The following XPO1 variants were observed in gnomAD, a reference collection of about 807,000 sequenced individuals.
The protein encoded by XPO1 is exportin 1, also known as exportin-1.
In XPO1, 5 loss-of-function variants were observed where a neutral mutation model predicts 133.3. The observed-to-expected ratio is 0.04, with a 90% confidence interval of 0.02 to 0.08. XPO1 has a LOEUF of 0.08. Among genes scored for constraint, XPO1 ranks in the 10% least tolerant of loss-of-function variants. XPO1 has a pLI of 1.00. For missense variants in XPO1, 506 were observed against 1,267.5 expected (o/e 0.40, Z 9.12); for synonymous variants, 419 against 408.2 (o/e 1.03, Z -0.32).
intron 1 of XPO1, among the ~76,000 whole-genome samples, chr2:61,535,650 T>C (rs565439949): frequency 1.1e-4 from 17 of 152,284 alleles, no homozygotes; most frequent in African/African-American, 3.8e-4. Flanking sequence ...TCACCTATGA[T>C]TGATATGATG....
At chr2:61,494,289 C>A in intron 11 of XPO1, 198 bp from the exon 12 acceptor site, 1 of 511,032 alleles carries the variant, frequency 2.0e-6, no homozygotes, top group Non-Finnish European at 3.5e-6. Flanking sequence ...CTTCAAAAAT[C>A]TCTCACATAG....
rs41281521 is a variant in XPO1 at position 61,492,810 on chromosome 2, A to G, written c.1385-62T>C. On this transcript the variant is annotated intron_variant, in intron 13 of 24. Transcript: ENST00000401558. The surrounding 1 kb of genome is among the most constrained non-coding windows in gnomAD (Gnocchi z 5.6). ...AGCAGAATTTTATTGATGAGTAACA[A>G]TACATTTAGAAAATATTTAGAAACT... 31,199 of 1,570,580 alleles carry G rather than the reference A, an allele frequency of 0.02. 388 individuals carry two copies. The highest frequency in any genetic ancestry group is 0.024 in the Non-Finnish European group (27,355 of 1,157,874).
At chr2:61,484,821 G>T (rs1696598382) in intron 20 of XPO1, 1 of 152,572 alleles carries the variant, frequency 6.6e-6, no homozygotes, top group East Asian at 1.9e-4. Context: ...GTAGAGACAG[G>T]GTTTCACCAT....
intron 3 of XPO1, among the ~76,000 whole-genome samples, chr2:61,524,962 C>G (rs1213735641): frequency 6.6e-6 from 1 of 151,466 alleles, no homozygotes; most frequent in Non-Finnish European, 1.5e-5. Flanking sequence ...GCTCAAAAAT[C>G]TGAAGTGACA....
chr2:61,525,964 A>T (rs1453326467), intron 3 of XPO1: 1 of 1,056,652 alleles, frequency 9.5e-7, no homozygotes, highest in East Asian at 5.3e-5. Flanking sequence ...GAATTATAAC[A>T]TTTTCCATTG....
At chr2:61,479,723 G>A (rs1465583409) in intron 24 of XPO1, among the ~76,000 whole-genome samples, 1 of 151,840 alleles carries the variant, frequency 6.6e-6, no homozygotes, top group Non-Finnish European at 1.5e-5. Flanking sequence ...CACCACATCT[G>A]GCTCATTTTT....
intron 22 of XPO1, 79 bp downstream of exon 22, chr2:61,482,878 C>T: frequency 3.9e-6 from 6 of 1,553,436 alleles, no homozygotes; most frequent in Non-Finnish European, 5.2e-6. Flanking sequence ...CCGCCTCGAC[C>T]TCCCAAAGTG....
chr2:61,530,659 G>C (rs1365277924), intron 2 of XPO1, among the ~76,000 whole-genome samples: 1 of 151,388 alleles, frequency 6.6e-6, no homozygotes, highest in Non-Finnish European at 1.5e-5. Flanking sequence ...GTATGCAGAA[G>C]TTCTGTCTAC....
At chr2:61,487,563 A>C (rs943152475) in intron 19 of XPO1, among the ~76,000 whole-genome samples, 3 of 152,060 alleles carry the variant, frequency 2.0e-5, no homozygotes, top group Admixed American at 1.3e-4. Context: ...AAAAACCAAC[A>C]CTATTCCAAG....
intron 16 of XPO1, 21 bp from the exon 17 acceptor site, chr2:61,490,797 T>G: frequency 6.2e-7 from 1 of 1,609,066 alleles, no homozygotes; most frequent in Non-Finnish European, 8.5e-7. Context: ...AAGCAGACAT[T>G]TTAACGTTTA....
At chr2:61,511,721 A>T (rs1043847357) in intron 4 of XPO1, among the ~76,000 whole-genome samples, 1 of 151,682 alleles carries the variant, frequency 6.6e-6, no homozygotes, top group Non-Finnish European at 1.5e-5. Context: ...TTTAGAAATG[A>T]AAAACATAAT....
intron 9 of XPO1, 48 bp from the exon 10 acceptor site, chr2:61,497,055 C>T (rs961184256): frequency 6.4e-6 from 10 of 1,560,918 alleles, no homozygotes; most frequent in Non-Finnish European, 7.8e-6. Context: ...GCCTGATACA[C>T]ACTTTACTTA....
At chr2:61,497,104 A>G (rs1408056744) in intron 9 of XPO1, 97 bp from the exon 10 acceptor site, 1 of 1,439,748 alleles carries the variant, frequency 6.9e-7, no homozygotes, top group East Asian at 2.4e-5. Context: ...TAACAATTAA[A>G]TATAGGGGTA....
At chr2:61,513,533 CA>C (rs145530677) in intron 4 of XPO1, among the ~76,000 whole-genome samples, 146 of 151,750 alleles carry the variant, frequency 9.6e-4, no homozygotes, top group Non-Finnish European at 1.6e-3. Context: ...CCCTGTTGAC[CA>C]GGCTCGTCTC....
chr2:61,525,477 T>C (rs1374944818), intron 3 of XPO1: 1 of 1,007,970 alleles, frequency 9.9e-7, no homozygotes, highest in Non-Finnish European at 1.2e-6. Flanking sequence ...TTATGTAAAT[T>C]GAAGAATTCT....
At chr2:61,533,094 G>A (rs771426650) in intron 2 of XPO1, among the ~76,000 whole-genome samples, 3 of 151,930 alleles carry the variant, frequency 2.0e-5, no homozygotes, top group Non-Finnish European at 4.4e-5. Flanking sequence ...CAAGACAATC[G>A]CTTGAACCCA....
chr2:61,527,353 T>C (rs1025840289), intron 2 of XPO1, among the ~76,000 whole-genome samples: 2 of 146,112 alleles, frequency 1.4e-5, no homozygotes, highest in Non-Finnish European at 3.0e-5. Flanking sequence ...CTGCACATGG[T>C]GGCTTGCACC....
rs376729057 is a variant in XPO1 at position 61,492,031 on chromosome 2, A to C, written c.1887+4T>G. The C allele has an allele frequency of 1.2e-6, 2 of 1,614,034 alleles. No homozygotes were observed. The highest frequency in any genetic ancestry group is 1.7e-5 in the Admixed American group (1 of 59,992). On this transcript the variant is annotated splice_donor_region_variant and intron_variant, in intron 16 of 24. Coordinates refer to ENST00000401558, the MANE Select transcript of XPO1 (RefSeq NM_003400.4). The surrounding 1 kb of genome is among the most constrained non-coding windows in gnomAD (Gnocchi z 5.6). The stretch of plus-strand genomic sequence containing the variant: ...AAATAACATATGCTCAGTGCTTAAC[A>C]TACCTGTTGAGGCTGAAGATCACAA...
At chr2:61,488,071 T>C (rs1696784187) in intron 19 of XPO1, 94 bp downstream of exon 19, 2 of 1,132,608 alleles carry the variant, frequency 1.8e-6, no homozygotes, top group Non-Finnish European at 2.6e-6. Flanking sequence ...GTTGATATGC[T>C]TTAAATTAGC....
Sources: gnomAD v4.1 joint callset for allele counts (sites outside exome capture counted in the v4.1 genomes callset) on GRCh38, gnomAD v4.1.1 for gene constraint, Gnocchi (gnomAD v3.1) non-coding constraint, MANE v1.5 for transcripts, NCBI Gene and HGNC (gene_info 2026-07-23, HGNC 2026-07-21) for gene names.